The following TTLL8 variants were observed in gnomAD, a reference collection of about 807,000 sequenced individuals.
The protein encoded by TTLL8 is tubulin tyrosine ligase like 8, also known as protein monoglycylase TTLL8.
A neutral mutation model predicts 77.8 loss-of-function variants in TTLL8; 65 were observed. The ratio of observed to expected loss-of-function variants is 0.84; its 90% CI spans 0.68 to 1.03. TTLL8 has a LOEUF of 1.03. Among genes scored for constraint, TTLL8 ranks in the 50% least tolerant of loss-of-function variants. The pLI, the probability that TTLL8 is intolerant of heterozygous loss-of-function variation, is 0.00. For synonymous variants in TTLL8, 402 were observed against 422.8 expected, an observed-to-expected ratio of 0.95 and a Z score of 0.60; for missense variants, 910 against 1,004.5, an observed-to-expected ratio of 0.91 and a Z score of 1.27.
At chr22:50,047,743 G>A (rs1286572335) in intron 3 of TTLL8, among the ~76,000 whole-genome samples, 1 of 152,216 alleles carries the variant, frequency 6.6e-6, no homozygotes, top group Non-Finnish European at 1.5e-5. Context: ...GGGGTTGGTC[G>A]TGGAGCTGGG....
intron 8 of TTLL8, among the ~76,000 whole-genome samples, chr22:50,036,045 G>C (rs2061334101): frequency 6.6e-6 from 1 of 152,216 alleles, no homozygotes; most frequent in Admixed American, 6.5e-5. Context: ...ACCATGAGAT[G>C]CACATCCCAA....
chr22:50,055,962 T>C (rs1306916445), upstream of TTLL8, among the ~76,000 whole-genome samples: 1 of 151,996 alleles, frequency 6.6e-6, no homozygotes, highest in African/African-American at 2.4e-5. Context: ...AAGACACAGG[T>C]CATAAAGACC....
chr22:50,055,160 A>T (rs970368549), upstream of TTLL8: 63 of 1,256,360 alleles, frequency 5.0e-5, no homozygotes, highest in South Asian at 4.2e-4. Flanking sequence ...CCAGATGGAC[A>T]GATTCCAAGT....
intron 12 of TTLL8, among the ~76,000 whole-genome samples, chr22:50,029,596 T>A (rs1382278795): frequency 1.3e-5 from 2 of 152,026 alleles, no homozygotes. Flanking sequence ...CCGGGCGCGG[T>A]GGCGGGCGCC....
rs185340378 is a variant in TTLL8, at chr22:50,053,834, T to C, written c.51+742A>G. On this transcript the variant is annotated intron_variant, in intron 1 of 13. Transcript: ENST00000266182. ...TGTACCTGAGGGTGATGGAACGGTC[T>C]TTATGGAGACTGTCTGACTGCCCAT... Among the ~76,000 whole-genome samples, 49 of 152,332 alleles carry C rather than the reference T, an allele frequency of 3.2e-4. No individual in the cohort carries two copies. The East Asian group carries it at 6.0e-3, about 19-fold the overall frequency.
rs369632100 is a variant in TTLL8, at chr22:50,034,383, T to A, written c.1001A>T (p.Lys334Met). 1.4e-5 allele frequency: 19 copies of A among 1,367,018 alleles called. No individual in the cohort carries two copies. Among genetic ancestry groups the A allele is most frequent in the Non-Finnish European group, 1.9e-5 (19 of 1,021,820 alleles). 84.7% of individuals were successfully genotyped at this position (1,367,018 alleles called of 1,614,324 possible). A position where few individuals can be genotyped will look rare whatever the true frequency, so the allele number is the denominator to read the frequency against. ...TCGGCCCCGGGACTTGGCCGCGGGC[T>A]TTATAATCCAGATGTTCCGGAGCCC... is the stretch of plus-strand genomic sequence containing the variant. The change falls in exon 9 of 14, where the codon AAG (lysine) becomes ATG (methionine). Residue 334 changes from lysine to methionine, a missense_variant. This residue lies in a region of TTLL8 where 776 missense variants were observed against 926.1 expected (regional missense o/e 0.84). Transcript: ENST00000266182. The surrounding 1 kb of genome is among the most constrained non-coding windows in gnomAD (Gnocchi z 4.1).
chr22:50,041,263 C>T lies in TTLL8; in HGVS notation c.845G>A (p.Ser282Asn), dbSNP rs747489285. ...TTTGAAGATGCACAAGACAATGCTA[C>T]TCCCCAAAGGCACCCTGAGGGGGTA... The change falls in exon 8 of 14, where the codon AGT becomes AAT. Residue 282 changes from serine to asparagine, a missense_variant. Coordinates refer to ENST00000266182, the Ensembl canonical transcript of TTLL8. The surrounding 1 kb of genome is among the most constrained non-coding windows in gnomAD (Gnocchi z 4.3). 2.0e-6 allele frequency: 1 copy of T among 504,662 alleles called. No individual in the cohort carries two copies. Among genetic ancestry groups the T allele is most frequent in the Non-Finnish European group, 4.0e-6 (1 of 250,136 alleles). 31.3% of individuals were successfully genotyped at this position (504,662 alleles called of 1,614,324 possible).
intron 12 of TTLL8, among the ~76,000 whole-genome samples, chr22:50,025,599 G>T (rs576133724): frequency 6.6e-6 from 1 of 152,058 alleles, no homozygotes; most frequent in Non-Finnish European, 1.5e-5. Context: ...GAGATCGTGC[G>T]GTTGCACTCC....
chr22:50,057,027 G>A (rs1326301685), upstream of TTLL8: 1 of 1,232,680 alleles, frequency 8.1e-7, no homozygotes, highest in Non-Finnish European at 1.1e-6. Context: ...GGGGGGCTCT[G>A]GGGATGGAGA....
rs59727397 is a variant in TTLL8 at position 50,047,289 on chromosome 22, A to C, written c.272T>G (p.Leu91Trp). ...GAGGTACGGCATCTCATTTTTTACC[A>C]ACCTAGACTGGCAAGAAAAAAGTCT... The change falls in exon 4 of 14, where the codon TTG (leucine) becomes TGG (tryptophan). Residue 91 changes from leucine to tryptophan, a missense_variant. This residue lies in a region of TTLL8 where 776 missense variants were observed against 926.1 expected (regional missense o/e 0.84). Transcript: ENST00000266182. The C allele has an allele frequency of 5.3e-4, 726 of 1,367,566 alleles. 9 individuals carry two copies. In the African/African-American group the frequency reaches 9.9e-3, roughly 19 times the overall value. The allele number at this position is 1,367,566 out of a possible 1,614,324, so 84.7% of individuals were successfully genotyped here.
chr22:50,049,452 C>A, intron 2 of TTLL8, 130 bp from the exon 5 acceptor site: 1 of 1,001,150 alleles, frequency 1.0e-6, no homozygotes, highest in East Asian at 5.1e-5. Context: ...TGGGGCCTTC[C>A]CCTGGTGGAG....
chr22:50,025,554 G>A (rs2061226072), intron 12 of TTLL8, among the ~76,000 whole-genome samples: 1 of 152,070 alleles, frequency 6.6e-6, no homozygotes, highest in African/African-American at 2.4e-5. Flanking sequence ...CAGGAGAATC[G>A]CTTAGAACCC....
chr22:50,038,932 A>G (rs1671628503), intron 8 of TTLL8, among the ~76,000 whole-genome samples: 2 of 152,108 alleles, frequency 1.3e-5, no homozygotes, highest in Admixed American at 6.6e-5. Context: ...TTTCTTTTCT[A>G]TTCTGAAAGT....
At position 50,023,670 on chromosome 22, in the gene TTLL8, C is replaced by T. The variant is rs547584912; in HGVS notation, c.2203+6760G>A. Among the ~76,000 whole-genome samples, 32 of 151,078 alleles carry T rather than the reference C, an allele frequency of 2.1e-4. No individual in the cohort carries two copies. In the East Asian group the frequency reaches 4.1e-3, roughly 19 times the overall value. ...GCTGCACTCCAGCCTGGCAACAAAGCGAGACTCCGTCTCAAAATAAATAAA... is the reference window on the plus strand; with the variant it reads ...GCTGCACTCCAGCCTGGCAACAAAGTGAGACTCCGTCTCAAAATAAATAAA... On this transcript the variant is annotated intron_variant, in intron 12 of 13. Transcript: ENST00000266182.
intron 11 of TTLL8, 183 bp downstream of exon 12, chr22:50,031,503 A>G (rs2061292460): frequency 1.0e-6 from 1 of 973,536 alleles, no homozygotes; most frequent in Non-Finnish European, 1.2e-6. Context: ...ACTGAGCCCC[A>G]TGGGAGAGCA....
At chr22:50,057,210 G>T (rs1416187830), upstream of TTLL8, among the ~76,000 whole-genome samples, 1 of 139,694 alleles carries the variant, frequency 7.2e-6, no homozygotes, top group Non-Finnish European at 1.5e-5. Context: ...TGGATTAGGG[G>T]TCAGCTCTGG....
At chr22:50,045,896 G>C (rs540049150) in exon 5 of TTLL8, 3 of 1,360,954 alleles carry the variant, frequency 2.2e-6, no homozygotes, top group African/African-American at 2.9e-5. Flanking sequence ...AGAGGCTGTA[G>C]CAGCGTGGGA....
At chr22:50,040,069 G>A (rs367841762) in intron 8 of TTLL8, among the ~76,000 whole-genome samples, 15 of 145,358 alleles carry the variant, frequency 1.0e-4, no homozygotes, top group South Asian at 2.2e-4. Flanking sequence ...CAGAGCTCAC[G>A]GACCTCACAT....
At chr22:50,050,142 G>A (rs1247757361) in exon 2 of TTLL8, 2 of 1,367,186 alleles carry the variant, frequency 1.5e-6, no homozygotes, top group Non-Finnish European at 2.0e-6. Context: ...TCGACATCCG[G>A]AATGACCTTG....
Sources: allele counts gnomAD v4.1 joint callset (sites outside exome capture counted in the v4.1 genomes callset), GRCh38; gene constraint gnomAD v4.1.1; regional missense constraint gnomAD v4.1.1; non-coding constraint Gnocchi (gnomAD v3.1); transcripts MANE v1.5; gene names NCBI Gene and HGNC (gene_info 2026-07-23, HGNC 2026-07-21).